CHRNB4: variants seen among roughly 807,000 people sequenced by gnomAD.
The protein encoded by CHRNB4 is neuronal acetylcholine receptor subunit beta-4.
Under a neutral mutation model 40.4 loss-of-function variants are expected in CHRNB4, and 23 were observed. The observed-to-expected ratio is 0.57, with a 90% CI of 0.41 to 0.81. The LOEUF (loss-of-function observed/expected upper bound fraction) is 0.81, where lower values mean the gene tolerates loss of function less well. Ranked by LOEUF, CHRNB4 falls within the 30% of genes least tolerant of loss-of-function variation. The pLI is 0.00. For missense variants in CHRNB4, 568 were observed against 670.6 expected (o/e 0.85, Z 1.69); for synonymous variants, 285 against 274.4 (o/e 1.04, Z -0.38).
chr15:78,626,219 G>A (rs567294436), intron 5 of CHRNB4: 12 of 152,316 alleles, frequency 7.9e-5, no homozygotes, highest in African/African-American at 1.9e-4. Flanking sequence ...AGCCAACCCC[G>A]ACACCTGCAA....
intron 7 of CHRNB4, among the ~76,000 whole-genome samples, chr15:78,647,466 G>C (rs2054131538): frequency 1.3e-5 from 2 of 151,866 alleles, no homozygotes; most frequent in Non-Finnish European, 2.9e-5. Context: ...GGTTTACCAT[G>C]GATAGGAGTG....
chr15:78,657,813 A>G (rs2054226508), intron 2 of CHRNB4, among the ~76,000 whole-genome samples: 1 of 151,750 alleles, frequency 6.6e-6, no homozygotes, highest in Admixed American at 6.6e-5. Flanking sequence ...CGGCCTCCCA[A>G]AGTGCTGGAA....
At chr15:78,654,072 C>T (rs1282115035) in intron 5 of CHRNB4, among the ~76,000 whole-genome samples, 1 of 152,180 alleles carries the variant, frequency 6.6e-6, no homozygotes, top group Non-Finnish European at 1.5e-5. Flanking sequence ...CCCCCTTTCA[C>T]TTGTTCACAT....
chr15:78,648,208 G>A (rs1184870470), intron 7 of CHRNB4, among the ~76,000 whole-genome samples: 4 of 150,174 alleles, frequency 2.7e-5, no homozygotes, highest in East Asian at 2.0e-4. Context: ...CCTGGCTAAC[G>A]CAGTGAAACC....
intron 5 of CHRNB4, among the ~76,000 whole-genome samples, chr15:78,655,363 ACAC>A (rs1276674098): frequency 6.7e-6 from 1 of 149,252 alleles, no homozygotes; most frequent in Non-Finnish European, 1.5e-5. Flanking sequence ...CTACAGCTGC[ACAC>A]CACCACACCT....
upstream of CHRNB4, among the ~76,000 whole-genome samples, chr15:78,644,870 C>T (rs1250888340): frequency 6.6e-6 from 1 of 152,200 alleles, no homozygotes; most frequent in African/African-American, 2.4e-5. Context: ...CCTCTCCATA[C>T]CCCTTGGCAT....
intron 5 of CHRNB4, chr15:78,655,436 ATATATC>A (rs1011795938): frequency 8.9e-5 from 13 of 146,358 alleles, no homozygotes; most frequent in East Asian, 4.3e-4. Context: ...CTATATCTAT[ATATATC>A]TATATCTATA....
At chr15:78,637,229 C>T (rs1378747417) in intron 1 of CHRNB4, among the ~76,000 whole-genome samples, 1 of 152,166 alleles carries the variant, frequency 6.6e-6, no homozygotes, top group African/African-American at 2.4e-5. Flanking sequence ...GATCCCTTGC[C>T]AAGTGGCATT....
At chr15:78,626,838 C>T (rs1436510724) in intron 5 of CHRNB4, 1 of 152,254 alleles carries the variant, frequency 6.6e-6, no homozygotes. Context: ...ATAACTGGTC[C>T]TGCCTGGCTC....
chr15:78,649,339 A>C (rs1197477443), intron 7 of CHRNB4: 1 of 442,946 alleles, frequency 2.3e-6, no homozygotes, highest in Non-Finnish European at 4.5e-6. Context: ...TTAGATGTCC[A>C]TCAACAAGAA....
chr15:78,638,168 A>G (rs1316971), intron 1 of CHRNB4, among the ~76,000 whole-genome samples: 94,161 of 152,090 alleles, frequency 0.62, 32,376 homozygotes, highest in Non-Finnish European at 0.81. Context: ...CTGGTCTGAC[A>G]GGGCTCCCAA....
upstream of CHRNB4, chr15:78,660,962 G>A (rs1766265534): frequency 2.3e-6 from 1 of 437,312 alleles, no homozygotes. Flanking sequence ...AGCAGGACAA[G>A]GGTGGGGTCC....
At chr15:78,648,551 C>T (rs940662954) in intron 7 of CHRNB4, among the ~76,000 whole-genome samples, 10 of 151,406 alleles carry the variant, frequency 6.6e-5, no homozygotes, top group East Asian at 2.0e-4. Flanking sequence ...GTCAAGAGTT[C>T]GAGACCAGCC....
At position 78,625,018 on chromosome 15, in the gene CHRNB4, T is replaced by C. The variant is rs778088532; in HGVS notation, c.*115A>G. Reference sequence around the variant, plus strand: ...CACGGCTGTGGCTGGTTTGATGGGGTTGATGGCCAATGCTCACATATTTAC... The same window carrying C: ...CACGGCTGTGGCTGGTTTGATGGGGCTGATGGCCAATGCTCACATATTTAC... On this transcript the variant is annotated 3_prime_UTR_variant, in exon 6 of 6. Coordinates refer to ENST00000261751, the MANE Select transcript of CHRNB4 (RefSeq NM_000750.5). 1.3e-6 allele frequency: 2 copies of C among 1,592,350 alleles called. No homozygotes were observed. The highest frequency in any genetic ancestry group is 2.3e-5 in the East Asian group (1 of 43,972).
chr15:78,643,797 G>T (rs1596120579), upstream of CHRNB4, among the ~76,000 whole-genome samples: 1 of 152,020 alleles, frequency 6.6e-6, no homozygotes. Flanking sequence ...CTTTAAAAAA[G>T]AAAAAACCTA....
chr15:78,644,217 G>C (rs1403443970), upstream of CHRNB4, among the ~76,000 whole-genome samples: 1 of 151,416 alleles, frequency 6.6e-6, no homozygotes, highest in East Asian at 1.9e-4. Context: ...AATATATCTA[G>C]CAAAATATAC....
At chr15:78,633,560 T>C (rs745341970) in intron 2 of CHRNB4, among the ~76,000 whole-genome samples, 6 of 152,186 alleles carry the variant, frequency 3.9e-5, no homozygotes, top group African/African-American at 1.4e-4. Flanking sequence ...ATTTAGGCCA[T>C]TTACATTTAA....
Position 78,647,674 on chromosome 15 carries a change from G to A in CHRNB4, c.46+1705C>T, listed in dbSNP as rs566401405. Among the ~76,000 whole-genome samples the A allele has an allele frequency of 3.0e-4, 41 of 135,960 alleles. 1 individual carries two copies. Among genetic ancestry groups the A allele is most frequent in the Middle Eastern group, 3.8e-3 (1 of 264 alleles). 89.2% of individuals were successfully genotyped at this position (135,960 alleles called of 152,430 possible). On this transcript the variant is annotated intron_variant and NMD_transcript_variant, in intron 7 of 11. Coordinates refer to the CHRNB4 transcript ENST00000559849. The stretch of plus-strand genomic sequence containing the variant: ...ATCCTGGCTAACATGGTGAAACCCC[G>A]TCTCTACTAAAAATCCAAAAAAAAA...
At position 78,624,786 on chromosome 15, in the gene CHRNB4, G is replaced by A. The variant is rs1002949896; in HGVS notation, c.*347C>T. On this transcript the variant is annotated 3_prime_UTR_variant, in exon 6 of 6. Transcript: ENST00000261751. Reference sequence around the variant, plus strand: ...GTGAGGAACTGGACAAGGGGAAGTGGAGAGAGATGGTGATGGAGAGGCAGG... The same window carrying A: ...GTGAGGAACTGGACAAGGGGAAGTGAAGAGAGATGGTGATGGAGAGGCAGG... 27 of 551,324 alleles carry A rather than the reference G, an allele frequency of 4.9e-5. No individual in the cohort carries two copies. In the Admixed American group the frequency reaches 6.7e-4, roughly 14 times the overall value. 34.2% of individuals were successfully genotyped at this position (551,324 alleles called of 1,614,324 possible).
Sources: gnomAD v4.1 joint callset for allele counts (sites outside exome capture counted in the v4.1 genomes callset) on GRCh38, gnomAD v4.1.1 for gene constraint, MANE v1.5 for transcripts, NCBI Gene and HGNC (gene_info 2026-07-23, HGNC 2026-07-21) for gene names.